Variants in TMEM239 observed in about 807,000 individuals in gnomAD.
The protein encoded by TMEM239 is transmembrane protein 239.
In TMEM239, 10 loss-of-function variants were observed where a neutral mutation model predicts 14.6. The ratio of observed to expected loss-of-function variants is 0.68; its 90% confidence interval spans 0.42 to 1.16. TMEM239 has a LOEUF of 1.16. Among genes scored for constraint, TMEM239 ranks in the 50% most tolerant of loss-of-function variants. The pLI is 0.00. For missense variants in TMEM239, 183 were observed against 194.4 expected (o/e 0.94, Z 0.35); for synonymous variants, 94 against 89.9 (o/e 1.05, Z -0.26).
upstream of TMEM239, chr20:2,816,205 C>T: frequency 1.3e-6 from 1 of 747,330 alleles, no homozygotes. Context: ...CTCCGAGGCT[C>T]CCCTGCCAGC....
At chr20:2,816,064 G>A (rs536755347), upstream of TMEM239, among the ~76,000 whole-genome samples, 1 of 152,308 alleles carries the variant, frequency 6.6e-6, no homozygotes, top group East Asian at 1.9e-4. Context: ...GAGAATGAAG[G>A]TCCAGACAGA....
chr20:2,819,743 CTT>C (rs2088707640), downstream of TMEM239: 1 of 151,890 alleles, frequency 6.6e-6, no homozygotes, highest in South Asian at 2.1e-4. Flanking sequence ...GTCCGACAAA[CTT>C]TTGTATTTTT....
chr20:2,819,693 A>G (rs1346982807), downstream of TMEM239: 1 of 149,770 alleles, frequency 6.7e-6, no homozygotes, highest in Non-Finnish European at 1.5e-5. Flanking sequence ...CTCCTGCCTC[A>G]GCCTCCTGAG....
Position 2,816,682 on chromosome 20 carries a change from C to T in TMEM239, c.128C>T (p.Pro43Leu), listed in dbSNP as rs370160010. 44 of 1,543,648 alleles carry T rather than the reference C, an allele frequency of 2.9e-5. No homozygotes were observed. The African/African-American group carries it at 3.3e-4, about 12-fold the overall frequency. Residue 43 changes from proline (P) to leucine (L), a missense_variant, in exon 2 of 2, where the codon CCG (proline) becomes CTG (leucine). By Grantham distance (98) the Pro-to-Leu change is moderately conservative. Coordinates refer to ENST00000380585, the MANE Select transcript of TMEM239 (RefSeq NM_001167670.3). ...CGCTGGTGGGTGAGCCACATGCCCCCGAGCTGGATCCAGTGGTGGAGCACC... is the reference window on the plus strand; with the variant it reads ...CGCTGGTGGGTGAGCCACATGCCCCTGAGCTGGATCCAGTGGTGGAGCACC... ...WVRWWVSHMP[P>L]SWIQWWSTSN... is the part of the protein sequence containing the mutation.
chr20:2,817,023 C>T lies in TMEM239; in HGVS notation c.*10C>T. 6.5e-7 allele frequency: 1 copy of T among 1,537,806 alleles called. No individual in the cohort carries two copies. The highest frequency in any genetic ancestry group is 8.7e-7 in the Non-Finnish European group (1 of 1,147,014). On this transcript the variant is annotated 3_prime_UTR_variant, in exon 2 of 2. Transcript: ENST00000380585. ...GGATTTGGATCAATAGAAGGGCAAC[C>T]CCATCCCACTGCCTGTGTCTGTTGA...
upstream of TMEM239, chr20:2,815,822 C>T (rs767748033): frequency 1.3e-6 from 2 of 1,498,616 alleles, no homozygotes; most frequent in Admixed American, 1.8e-5. Flanking sequence ...CAATGACCAC[C>T]CTTCTTCATC....
upstream of TMEM239, chr20:2,815,873 T>C: frequency 1.0e-6 from 1 of 999,402 alleles, no homozygotes; most frequent in Non-Finnish European, 1.5e-6. Context: ...GGTGGGATGA[T>C]ACCCCTTTCT....
chr20:2,816,614 G>A lies in TMEM239; in HGVS notation c.60G>A (p.Gln20=). ...DTIGAGEGPQ[Q]AVPWSAWVTR... The stretch of plus-strand genomic sequence containing the variant: ...TCGGGGCTGGCGAGGGGCCACAGCA[G>A]GCAGTGCCCTGGTCAGCCTGGGTCA... Residue 20 remains glutamine (Q), a synonymous_variant, in exon 2 of 2, where the codon CAG becomes CAA. Coordinates refer to ENST00000380585, the MANE Select transcript of TMEM239 (RefSeq NM_001167670.3). 2 of 1,538,844 alleles carry A rather than the reference G, an allele frequency of 1.3e-6. No homozygotes were observed. Among genetic ancestry groups the A allele is most frequent in the Non-Finnish European group, 1.7e-6 (2 of 1,146,870 alleles).
upstream of TMEM239, chr20:2,815,815 T>G (rs768606429): frequency 2.6e-6 from 4 of 1,527,250 alleles, no homozygotes; most frequent in East Asian, 6.8e-5. Flanking sequence ...AAATATACAA[T>G]GACCACCCTT....
At chr20:2,820,272 G>A (rs1289067982), downstream of TMEM239, 1 of 152,262 alleles carries the variant, frequency 6.6e-6, no homozygotes, top group Non-Finnish European at 1.5e-5. Flanking sequence ...AGAGCTTGCA[G>A]AGGCGAAACG....
upstream of TMEM239, chr20:2,816,165 G>T: frequency 1.6e-6 from 1 of 625,790 alleles, no homozygotes; most frequent in Non-Finnish European, 2.8e-6. Context: ...GGCTTCCCAT[G>T]AGAAAGCATG....
At chr20:2,819,035 A>G (rs901458373), downstream of TMEM239, 1 of 152,256 alleles carries the variant, frequency 6.6e-6, no homozygotes, top group African/African-American at 2.4e-5. Context: ...GCTTCTCAAG[A>G]GCTCCTATCA....
At chr20:2,820,214 G>C (rs1000129781), downstream of TMEM239, 1 of 152,202 alleles carries the variant, frequency 6.6e-6, no homozygotes. Flanking sequence ...CAACTCTAGG[G>C]GCAGGCAAGT....
Position 2,817,439 on chromosome 20 carries a change from A to T in TMEM239, c.*426A>T. 3.6e-6 allele frequency: 1 copy of T among 276,686 alleles called. No individual in the cohort carries two copies. The allele number at this position is 276,686 out of a possible 1,614,324, so 17.1% of individuals were successfully genotyped here. ...TACCACTGGCCTTGCCATTCCTCCC[A>T]CCAATCCCCTCTTTCCACTTCCAGG... is the stretch of plus-strand genomic sequence containing the variant. On this transcript the variant is annotated 3_prime_UTR_variant, in exon 2 of 2. Coordinates refer to ENST00000380585, the MANE Select transcript of TMEM239 (RefSeq NM_001167670.3).
chr20:2,816,630 G>A lies in TMEM239; in HGVS notation c.76G>A (p.Ala26Thr). 1 of 1,540,212 alleles carries A rather than the reference G, an allele frequency of 6.5e-7. No individual in the cohort carries two copies. Among genetic ancestry groups the A allele is most frequent in the Non-Finnish European group, 8.7e-7 (1 of 1,146,816 alleles). The change falls in exon 2 of 2, where the codon GCC (alanine) becomes ACC (threonine). Residue 26 changes from alanine (A) to threonine (T), a missense_variant. Ala to Thr is a moderately conservative substitution (Grantham distance 58). Coordinates refer to ENST00000380585, the MANE Select transcript of TMEM239 (RefSeq NM_001167670.3). ...GCCACAGCAGGCAGTGCCCTGGTCA[G>A]CCTGGGTCACGAGGCATGGCTGGGT... ...EGPQQAVPWS[A>T]WVTRHGWVRW...
In TMEM239 at chr20:2,817,301, C is replaced by A; in HGVS notation, c.*288C>A. 3 of 575,792 alleles carry A rather than the reference C, an allele frequency of 5.2e-6. No homozygotes were observed. The highest frequency in any genetic ancestry group is 1.9e-5 in the African/African-American group (1 of 53,764). The allele number at this position is 575,792 out of a possible 1,614,324, so 35.7% of individuals were successfully genotyped here. On this transcript the variant is annotated 3_prime_UTR_variant, in exon 2 of 2. Coordinates refer to ENST00000380585, the MANE Select transcript of TMEM239 (RefSeq NM_001167670.3). ...CAGAGCTTGACCAAGCCACTGATAG[C>A]GCCCATATGGATGTGATGATACCCG...
chr20:2,818,799 A>G (rs1200451601), downstream of TMEM239: 1 of 152,088 alleles, frequency 6.6e-6, no homozygotes, highest in Non-Finnish European at 1.5e-5. Context: ...TAAGGCAAGA[A>G]CCCCTGTCTT....
Position 2,817,333 on chromosome 20 carries a change from C to CA in TMEM239, c.*320_*321insA. The CA allele has an allele frequency of 1.0e-4, 52 of 500,126 alleles. No homozygotes were observed. Among genetic ancestry groups the CA allele is most frequent in the Admixed American group, 3.2e-4 (9 of 28,022 alleles). 31.0% of individuals were successfully genotyped at this position (500,126 alleles called of 1,614,324 possible). ...ATGGATGTGATGATACCCGTGGGGC[C>CA]CCCTTGGCAACTGACAGCATCTTTT... On this transcript the variant is annotated 3_prime_UTR_variant, in exon 2 of 2. Transcript: ENST00000380585.
chr20:2,816,493 C>A (rs1362776016), intron 1 of TMEM239, 51 bp from the exon 2 acceptor site: 2 of 193,500 alleles, frequency 1.0e-5, no homozygotes, highest in South Asian at 9.0e-5. Context: ...CCCTCTCTGC[C>A]CCCCCCCCCC....
Sources: gnomAD v4.1 joint callset for allele counts (sites outside exome capture counted in the v4.1 genomes callset) on GRCh38, gnomAD v4.1.1 for gene constraint, MANE v1.5 for transcripts, NCBI Gene and HGNC (gene_info 2026-07-23, HGNC 2026-07-21) for gene names.